The following ADCY5 variants were observed in gnomAD, a reference collection of about 807,000 sequenced individuals.
The protein encoded by ADCY5 is adenylate cyclase type 5.
ADCY5 carries 30 observed loss-of-function variants against 119.7 expected under a neutral mutation model. The observed-to-expected ratio is 0.25, with a 90% CI of 0.19 to 0.34. ADCY5 has a LOEUF of 0.34. ADCY5 is among the 10% of genes least tolerant of loss of function. The pLI is 1.00. For synonymous variants in ADCY5, 753 were observed against 762.2 expected, an observed-to-expected ratio of 0.99 and a Z score of 0.20; for missense variants, 1,324 against 1,775.2, an observed-to-expected ratio of 0.75 and a Z score of 4.57.
intron 17 of ADCY5, among the ~76,000 whole-genome samples, 183 bp downstream of exon 17, chr3:123,295,899 CCA>C (rs1939470941): frequency 2.0e-5 from 3 of 152,320 alleles, no homozygotes; most frequent in Admixed American, 2.0e-4. Flanking sequence ...CCTCTTGGCT[CCA>C]GAGTGCAGGG....
intron 1 of ADCY5, among the ~76,000 whole-genome samples, chr3:123,431,869 A>G (rs1945529942): frequency 1.3e-5 from 2 of 152,058 alleles, no homozygotes; most frequent in Non-Finnish European, 2.9e-5. Context: ...CATAAATCAG[A>G]CTCGGTGTCA....
In ADCY5 at chr3:123,304,173, GAGGGGAAGAGCTAGGGTGGGGGC is replaced by G; in HGVS notation, c.2443-13_2452del. ...CTTCCTGGAGAGGGTCTGCAGTGGG[GAGGGGAAGAGCTAGGGTGGGGGC>G]AGGGGTGGAGAGGGAGGGAGGGAGA... On this transcript the variant is annotated splice_acceptor_variant and splice_polypyrimidine_tract_variant and coding_sequence_variant and intron_variant, in exon 13 of 21. Coordinates refer to ENST00000462833, the MANE Select transcript of ADCY5 (RefSeq NM_183357.3). LOFTEE classifies it high-confidence loss of function. 6.5e-7 allele frequency: 1 copy of G among 1,543,160 alleles called. No individual in the cohort carries two copies. The highest frequency in any genetic ancestry group is 8.9e-7 in the Non-Finnish European group (1 of 1,123,922).
intron 1 of ADCY5, among the ~76,000 whole-genome samples, chr3:123,366,788 G>A (rs538758020): frequency 9.1e-4 from 139 of 152,170 alleles, no homozygotes; most frequent in African/African-American, 3.3e-3. Context: ...CAACAAACAT[G>A]TGGCTCTGGG....
intron 1 of ADCY5, chr3:123,419,306 G>T: frequency 3.4e-6 from 2 of 587,200 alleles, no homozygotes; most frequent in Non-Finnish European, 4.3e-6. Flanking sequence ...TCTTTGAATG[G>T]CAGCACTATT....
At chr3:123,328,391 T>A (rs1372662630) in intron 6 of ADCY5, among the ~76,000 whole-genome samples, 1 of 152,110 alleles carries the variant, frequency 6.6e-6, no homozygotes, top group Non-Finnish European at 1.5e-5. Context: ...ATGGTTTGGG[T>A]CAATATCTTC....
intron 5 of ADCY5, among the ~76,000 whole-genome samples, chr3:123,330,310 T>A (rs534851867): frequency 6.6e-6 from 1 of 152,356 alleles, no homozygotes; most frequent in African/African-American, 2.4e-5. Flanking sequence ...CACATAAGCT[T>A]GCACCACCCA....
intron 13 of ADCY5, among the ~76,000 whole-genome samples, 182 bp from the exon 14 acceptor site, chr3:123,303,401 G>A (rs542742873): frequency 2.0e-5 from 3 of 152,190 alleles, no homozygotes; most frequent in Admixed American, 6.5e-5. Flanking sequence ...GTCCTGGCTG[G>A]AGGGGGTGTG....
intron 12 of ADCY5, among the ~76,000 whole-genome samples, chr3:123,311,338 G>T (rs545124509): frequency 7.7e-4 from 118 of 152,314 alleles, no homozygotes; most frequent in African/African-American, 2.8e-3. Flanking sequence ...AATTTCATAC[G>T]GTCAACCCAC....
intron 1 of ADCY5, among the ~76,000 whole-genome samples, chr3:123,366,907 G>C (rs1443586084): frequency 6.6e-6 from 1 of 152,238 alleles, no homozygotes; most frequent in Non-Finnish European, 1.5e-5. Flanking sequence ...AGTGGCCACA[G>C]CCTGGGCCTC....
intron 1 of ADCY5, among the ~76,000 whole-genome samples, chr3:123,423,398 G>A (rs776581260): frequency 4.6e-5 from 7 of 152,248 alleles, no homozygotes; most frequent in African/African-American, 1.7e-4. Flanking sequence ...TCTTTTTCCC[G>A]CATCCCCAGC....
At chr3:123,345,755 C>CAG (rs1206782437) in intron 3 of ADCY5, among the ~76,000 whole-genome samples, 2 of 56,244 alleles carry the variant, frequency 3.6e-5, no homozygotes, top group African/African-American at 9.7e-5. Context: ...GACAGACAGA[C>CAG]AGACAGACAG....
intron 1 of ADCY5, among the ~76,000 whole-genome samples, chr3:123,370,066 C>A (rs887699344): frequency 6.6e-6 from 1 of 152,104 alleles, no homozygotes; most frequent in African/African-American, 2.4e-5. Context: ...GGAGGCATGA[C>A]CTAATGCCAA....
intron 1 of ADCY5, among the ~76,000 whole-genome samples, chr3:123,386,632 G>A (rs1243917215): frequency 2.0e-5 from 3 of 151,998 alleles, no homozygotes; most frequent in African/African-American, 7.2e-5. Context: ...CTCCCTCAAG[G>A]CTACCTGAGC....
chr3:123,339,322 G>C (rs914039842), intron 3 of ADCY5, among the ~76,000 whole-genome samples: 1 of 152,166 alleles, frequency 6.6e-6, no homozygotes. Context: ...AGTCACTCAT[G>C]TCCTTTAGGG....
chr3:123,367,862 A>AT (rs1191200357), intron 1 of ADCY5: 1 of 1,520,520 alleles, frequency 6.6e-7, no homozygotes, highest in East Asian at 2.4e-5. Flanking sequence ...AAAAAAAAAA[A>AT]CACCAAAGAG....
intron 14 of ADCY5, among the ~76,000 whole-genome samples, chr3:123,301,230 A>C (rs1387556879): frequency 2.6e-5 from 4 of 152,116 alleles, no homozygotes; most frequent in Non-Finnish European, 5.9e-5. Flanking sequence ...TCAGGCTTCC[A>C]GATGTTTACT....
chr3:123,433,202 G>A (rs543455518), intron 1 of ADCY5, among the ~76,000 whole-genome samples: 5 of 152,286 alleles, frequency 3.3e-5, no homozygotes, highest in South Asian at 4.1e-4. Flanking sequence ...ATGCCACAAA[G>A]GCAGGCAGGG....
intron 20 of ADCY5, among the ~76,000 whole-genome samples, chr3:123,285,920 G>C (rs191080441): frequency 2.6e-5 from 4 of 152,194 alleles, no homozygotes; most frequent in Non-Finnish European, 5.9e-5. Context: ...GAGGCCCTGT[G>C]GGGGAGAGAA....
rs143739834 is a variant in ADCY5, at chr3:123,287,975, C to T, written c.3533-1166G>A. On this transcript the variant is annotated intron_variant, in intron 19 of 20. Coordinates refer to ENST00000462833, the MANE Select transcript of ADCY5 (RefSeq NM_183357.3). ...AAAAATGCAAACCAAAGCAGGTGGA[C>T]GAGATGGGGTGAAAGGAAAACAAGA... 6.6e-5 allele frequency among the ~76,000 whole-genome samples: 10 copies of T among 152,262 alleles called. No individual in the cohort carries two copies. The East Asian group carries it at 1.2e-3, about 18-fold the overall frequency.
Sources: allele counts gnomAD v4.1 joint callset (sites outside exome capture counted in the v4.1 genomes callset), GRCh38; gene constraint gnomAD v4.1.1; transcripts MANE v1.5; gene names NCBI Gene and HGNC (gene_info 2026-07-23, HGNC 2026-07-21).